Variants in TOP3A observed in about 807,000 individuals in gnomAD.
TOP3A encodes DNA topoisomerase 3-alpha.
In TOP3A, 64 loss-of-function variants were observed where a neutral mutation model predicts 111.3. The observed-to-expected ratio is 0.57, with a 90% CI of 0.47 to 0.71. The LOEUF is 0.71. Ranked by LOEUF, TOP3A falls within the 30% of genes least tolerant of loss-of-function variation. TOP3A has a pLI of 0.00. For synonymous variants in TOP3A, 484 were observed against 485.1 expected (o/e 1.00, Z 0.03); for missense variants, 1,104 against 1,285.0 (o/e 0.86, Z 2.15).
In TOP3A at chr17:18,285,229, T is replaced by A. The variant is rs773939513; in HGVS notation, c.1790A>T (p.Asp597Val). The change falls in exon 15 of 19, where the codon GAT becomes GTT. Residue 597 changes from aspartate (D) to valine (V), a missense_variant. By Grantham distance (152) the Asp-to-Val change is radical. Coordinates refer to ENST00000321105, the MANE Select transcript of TOP3A (RefSeq NM_004618.5). ...ELEADLKLICDGKKDKFVVLR... is the reference protein window; with the variant it reads ...ELEADLKLICVGKKDKFVVLR... ...AACCACAAATTTGTCCTTTTTGCCA[T>A]CACAGATCAGCTTCAGATCAGCTTC... is the stretch of plus-strand genomic sequence containing the variant. 1 of 1,614,104 alleles carries A rather than the reference T, an allele frequency of 6.2e-7. No homozygotes were observed. Among genetic ancestry groups the A allele is most frequent in the African/African-American group, 1.3e-5 (1 of 74,934 alleles).
Position 18,271,788 on chromosome 17 carries a change from G to C in TOP3A, c.*3014C>G. The C allele has an allele frequency of 2.2e-6, 1 of 451,804 alleles. No homozygotes were observed. Among genetic ancestry groups the C allele is most frequent in the Non-Finnish European group, 4.5e-6 (1 of 221,052 alleles). The allele number at this position is 451,804 out of a possible 1,614,324, so 28.0% of individuals were successfully genotyped here. ...TTAAAAATGGGGGAAGAGACCAGGT[G>C]TGATGGCTCCTGCCTGTTAATCCTA... On this transcript the variant is annotated 3_prime_UTR_variant, in exon 19 of 19. Transcript: ENST00000321105.
chr17:18,311,001 ATTT>A (rs772922996), intron 1 of TOP3A, among the ~76,000 whole-genome samples: 1 of 142,128 alleles, frequency 7.0e-6, no homozygotes, highest in Non-Finnish European at 1.5e-5. Context: ...ACAACTATGA[ATTT>A]TTTTTTTTTT....
At chr17:18,287,205 C>T (rs1023951892) in intron 13 of TOP3A, among the ~76,000 whole-genome samples, 1 of 152,064 alleles carries the variant, frequency 6.6e-6, no homozygotes, top group African/African-American at 2.4e-5. Flanking sequence ...CAAGACCAGA[C>T]TAGGCAACAT....
chr17:18,277,156 T>TCTGGG (rs1452005134), intron 18 of TOP3A, among the ~76,000 whole-genome samples: 2 of 139,108 alleles, frequency 1.4e-5, no homozygotes, highest in Admixed American at 7.8e-5. Context: ...TGCACTCCAG[T>TCTGGG]CTGGGCAACA....
At chr17:18,286,347 C>CAA (rs57468944) in intron 13 of TOP3A, among the ~76,000 whole-genome samples, 371 of 118,464 alleles carry the variant, frequency 3.1e-3, no homozygotes, top group African/African-American at 0.011. Context: ...ACTAAAAATA[C>CAA]AAAAAAAAAA....
At chr17:18,300,867 T>C (rs1338027360) in intron 8 of TOP3A, among the ~76,000 whole-genome samples, 14 of 152,146 alleles carry the variant, frequency 9.2e-5, no homozygotes, top group Admixed American at 7.9e-4. Flanking sequence ...GAAGGCAGCA[T>C]GGTCTGCAGA....
At chr17:18,311,275 C>G (rs1265295405) in intron 1 of TOP3A, among the ~76,000 whole-genome samples, 1 of 151,618 alleles carries the variant, frequency 6.6e-6, no homozygotes. Context: ...GCTGGGATTA[C>G]AGGTATGAGC....
At chr17:18,305,292 G>A (rs1981491184) in intron 4 of TOP3A, 72 bp from the exon 5 acceptor site, 1 of 1,282,108 alleles carries the variant, frequency 7.8e-7, no homozygotes, top group Non-Finnish European at 1.1e-6. Flanking sequence ...TCTAAGCTAA[G>A]GGGATCTGAC....
chr17:18,305,487 C>A (rs1390789699), intron 4 of TOP3A, among the ~76,000 whole-genome samples: 1 of 120,682 alleles, frequency 8.3e-6, no homozygotes, highest in Admixed American at 9.1e-5. Context: ...CACACACACA[C>A]GCGCGCGCGC....
At chr17:18,283,805 TCA>T (rs1340221396) in intron 15 of TOP3A, among the ~76,000 whole-genome samples, 1 of 152,162 alleles carries the variant, frequency 6.6e-6, no homozygotes, top group African/African-American at 2.4e-5. Flanking sequence ...ATAGAGTGGC[TCA>T]CAGAGCTCAG....
At chr17:18,293,705 T>C (rs1980620797) in intron 10 of TOP3A, among the ~76,000 whole-genome samples, 1 of 152,078 alleles carries the variant, frequency 6.6e-6, no homozygotes, top group Admixed American at 6.6e-5. Context: ...CAAGCAATTC[T>C]CTTGCCTCAG....
intron 18 of TOP3A, among the ~76,000 whole-genome samples, chr17:18,275,333 G>C (rs1029592980): frequency 1.8e-4 from 25 of 141,628 alleles, no homozygotes; most frequent in Non-Finnish European, 2.0e-4. Flanking sequence ...CAGACGATAA[G>C]GCTGAACCAA....
chr17:18,272,028 T>G lies in TOP3A; in HGVS notation c.*2774A>C, dbSNP rs960874588. On this transcript the variant is annotated 3_prime_UTR_variant, in exon 19 of 19. Coordinates refer to ENST00000321105, the MANE Select transcript of TOP3A (RefSeq NM_004618.5). Reference sequence around the variant, plus strand: ...TTGCAGTGAGCCAAGATCGCACCACTGCACTCCAGCCTGGGCACAAGAGCG... The same window carrying G: ...TTGCAGTGAGCCAAGATCGCACCACGGCACTCCAGCCTGGGCACAAGAGCG... Among the ~76,000 whole-genome samples the G allele has an allele frequency of 1.3e-5, 2 of 151,760 alleles. No homozygotes were observed. Among genetic ancestry groups the G allele is most frequent in the Non-Finnish European group, 2.9e-5 (2 of 67,996 alleles).
rs554183448 is a variant in TOP3A at position 18,285,578 on chromosome 17, G to A, written c.1598-58C>T. The A allele has an allele frequency of 6.8e-6, 10 of 1,477,324 alleles. No homozygotes were observed. In the South Asian group the frequency reaches 1.0e-4, roughly 16 times the overall value. 91.5% of individuals were successfully genotyped at this position (1,477,324 alleles called of 1,614,324 possible). On this transcript the variant is annotated intron_variant, in intron 13 of 18. Coordinates refer to ENST00000321105, the MANE Select transcript of TOP3A (RefSeq NM_004618.5). ...TACAGACAACAGCTCCACCCGGGTG[G>A]CGCATGGGCACCTTGCTCACCCCGG... is the stretch of plus-strand genomic sequence containing the variant.
chr17:18,290,239 A>C (rs1980380423), intron 13 of TOP3A, among the ~76,000 whole-genome samples: 1 of 152,226 alleles, frequency 6.6e-6, no homozygotes, highest in Non-Finnish European at 1.5e-5. Flanking sequence ...ATTCGAAAGA[A>C]CAACAAATCC....
At chr17:18,299,357 G>A (rs538504007) in intron 9 of TOP3A, among the ~76,000 whole-genome samples, 1 of 152,306 alleles carries the variant, frequency 6.6e-6, no homozygotes, top group Non-Finnish European at 1.5e-5. Flanking sequence ...CTTGAGCCCA[G>A]AAGTTTGAGT....
chr17:18,280,588 C>A lies in TOP3A; in HGVS notation c.2092G>T (p.Ala698Ser). 6.2e-7 allele frequency: 1 copy of A among 1,614,004 alleles called. No homozygotes were observed. Among genetic ancestry groups the A allele is most frequent in the Non-Finnish European group, 8.5e-7 (1 of 1,179,928 alleles). ...AVWLPDSVLE[A>S]SRDSSVCPVC... ...GGACACACACTGCTGTCCCTGCTGG[C>A]CTCCAGCACCGAGTCAGGAAGCCAC... is the stretch of plus-strand genomic sequence containing the variant. Residue 698 changes from alanine (A) to serine (S), a missense_variant, in exon 17 of 19, where the codon GCC (alanine) becomes TCC (serine). Transcript: ENST00000321105.
At chr17:18,279,357 C>T (rs1343513507) in intron 17 of TOP3A, among the ~76,000 whole-genome samples, 3 of 151,890 alleles carry the variant, frequency 2.0e-5, no homozygotes, top group Admixed American at 6.6e-5. Context: ...CCTGGGTTCA[C>T]GCCATTCTCC....
At chr17:18,306,818 T>C in intron 4 of TOP3A, 73 bp downstream of exon 4, 2 of 1,062,478 alleles carry the variant, frequency 1.9e-6, no homozygotes, top group Non-Finnish European at 2.9e-6. Flanking sequence ...TGCCAATGCA[T>C]TAAAAACAAA....
Sources: gnomAD v4.1 joint callset for allele counts (sites outside exome capture counted in the v4.1 genomes callset) on GRCh38, gnomAD v4.1.1 for gene constraint, MANE v1.5 for transcripts, NCBI Gene and HGNC (gene_info 2026-07-23, HGNC 2026-07-21) for gene names.